SND1: variants seen among roughly 807,000 people sequenced by gnomAD.
The protein encoded by SND1 is staphylococcal nuclease and tudor domain containing 1, also known as staphylococcal nuclease domain-containing protein 1.
A neutral mutation model predicts 121.7 loss-of-function variants in SND1; 38 were observed. The observed-to-expected ratio is 0.31, with a 90% CI of 0.24 to 0.41. The LOEUF is 0.41. SND1 is among the 10% of genes least tolerant of loss of function. The pLI is 1.00. For missense variants in SND1, 868 were observed against 1,184.6 expected, an observed-to-expected ratio of 0.73 and a Z score of 3.92; for synonymous variants, 401 against 447.4, an observed-to-expected ratio of 0.90 and a Z score of 1.31.
chr7:127,696,126 C>T (rs1796002566), intron 3 of SND1, among the ~76,000 whole-genome samples: 5 of 152,084 alleles, frequency 3.3e-5, no homozygotes, highest in Admixed American at 2.0e-4. Context: ...TTTCAGATAG[C>T]TCATGTAACG....
intron 15 of SND1, among the ~76,000 whole-genome samples, chr7:127,962,771 G>A (rs1801763127): frequency 6.6e-6 from 1 of 152,178 alleles, no homozygotes; most frequent in African/African-American, 2.4e-5. Flanking sequence ...GAAATGGAGT[G>A]GCATTGTCAT....
At chr7:127,840,819 A>T (rs929644097) in intron 11 of SND1, among the ~76,000 whole-genome samples, 1 of 152,102 alleles carries the variant, frequency 6.6e-6, no homozygotes, top group Admixed American at 6.5e-5. Flanking sequence ...GCTGTGGGCT[A>T]TTCTCCGGGC....
intron 15 of SND1, among the ~76,000 whole-genome samples, chr7:127,966,239 C>T (rs1801849536): frequency 6.6e-6 from 1 of 151,666 alleles, no homozygotes; most frequent in African/African-American, 2.4e-5. Flanking sequence ...CTTAGACTCC[C>T]ACACATTAAT....
chr7:127,874,474 G>A (rs929261814), intron 12 of SND1, among the ~76,000 whole-genome samples: 3 of 152,094 alleles, frequency 2.0e-5, no homozygotes, highest in Non-Finnish European at 4.4e-5. Flanking sequence ...GTAGAGAAAA[G>A]TCCCCTGAGT....
At chr7:127,976,925 T>A (rs1584709992) in intron 15 of SND1, among the ~76,000 whole-genome samples, 1 of 152,112 alleles carries the variant, frequency 6.6e-6, no homozygotes, top group South Asian at 2.1e-4. Context: ...CCCTACATGG[T>A]GTCTTGAGGG....
At chr7:127,885,958 T>G (rs993027996) in intron 12 of SND1, among the ~76,000 whole-genome samples, 1 of 152,144 alleles carries the variant, frequency 6.6e-6, no homozygotes, top group East Asian at 1.9e-4. Flanking sequence ...CCTCTCTTGT[T>G]CCCTGCTAGG....
At chr7:128,064,956 T>C (rs1218093776) in intron 16 of SND1, among the ~76,000 whole-genome samples, 1 of 152,200 alleles carries the variant, frequency 6.6e-6, no homozygotes, top group East Asian at 1.9e-4. Context: ...ATAGTGACAT[T>C]GGAGTACTGA....
At chr7:128,046,512 C>T (rs1236794950) in intron 16 of SND1, among the ~76,000 whole-genome samples, 1 of 151,796 alleles carries the variant, frequency 6.6e-6, no homozygotes. Context: ...TACAGGCATA[C>T]ACCACCAAGC....
chr7:127,663,423 G>A (rs890413159), intron 1 of SND1, among the ~76,000 whole-genome samples: 1 of 150,252 alleles, frequency 6.7e-6, no homozygotes, highest in African/African-American at 2.5e-5. Flanking sequence ...CCAGGCTGGT[G>A]TGCAGTGGCA....
intron 13 of SND1, among the ~76,000 whole-genome samples, chr7:127,902,443 G>T (rs1800252098): frequency 2.0e-5 from 3 of 152,184 alleles, no homozygotes; most frequent in Admixed American, 2.0e-4. Context: ...CTTCCAATTT[G>T]CAGTAGCAAA....
chr7:127,994,549 CAAAAAAAAAAAAAAAA>C (rs563548702), intron 16 of SND1, among the ~76,000 whole-genome samples: 10,139 of 46,260 alleles, frequency 0.22, 711 homozygotes, highest in South Asian at 0.43. Flanking sequence ...CACTTTTACT[CAAAAAAAAAAAAAAAA>C]AAAAAAAAAA....
In SND1 at chr7:127,698,859, C is replaced by T. The variant is rs1316512658; in HGVS notation, c.350-16C>T. 6.2e-7 allele frequency: 1 copy of T among 1,611,956 alleles called. No homozygotes were observed. The highest frequency in any genetic ancestry group is 2.2e-5 in the East Asian group (1 of 44,850). On this transcript the variant is annotated splice_polypyrimidine_tract_variant and intron_variant, in intron 3 of 23. Transcript: ENST00000354725. ...GGTTTGAATCTTGTTTTTAAATCCC[C>T]CCTTTTCCTCCTCAGATACCAATGG...
intron 18 of SND1, among the ~76,000 whole-genome samples, chr7:128,082,290 A>G (rs973834184): frequency 6.6e-6 from 1 of 152,230 alleles, no homozygotes; most frequent in Non-Finnish European, 1.5e-5. Context: ...TCTGGATCCC[A>G]GGAAACAAAT....
chr7:128,048,708 G>A lies in SND1; in HGVS notation c.1780-25794G>A, dbSNP rs539949618. 2.9e-4 allele frequency among the ~76,000 whole-genome samples: 44 copies of A among 152,238 alleles called. 1 individual carries two copies. In the South Asian group the frequency reaches 7.1e-3, roughly 24 times the overall value. On this transcript the variant is annotated intron_variant, in intron 16 of 23. Transcript: ENST00000354725. Reference sequence around the variant, plus strand: ...GGGACCAGTTTTTGTTTTGGAGGGCGAGACGGCAGAAAGCTATTAGAAAAG... The same window carrying A: ...GGGACCAGTTTTTGTTTTGGAGGGCAAGACGGCAGAAAGCTATTAGAAAAG...
chr7:128,000,364 GCTT>G (rs1428071805), intron 16 of SND1, among the ~76,000 whole-genome samples: 24 of 123,310 alleles, frequency 1.9e-4, no homozygotes, highest in Non-Finnish European at 2.3e-4. Context: ...CTTTGCTTTT[GCTT>G]CTTTTTTTTT....
intron 10 of SND1, among the ~76,000 whole-genome samples, chr7:127,763,695 A>G (rs1232549137): frequency 6.6e-6 from 1 of 152,130 alleles, no homozygotes; most frequent in Non-Finnish European, 1.5e-5. Flanking sequence ...AAAAAAACCC[A>G]GGACTATTCT....
At chr7:127,881,237 C>T (rs1209641924) in intron 12 of SND1, among the ~76,000 whole-genome samples, 1 of 152,122 alleles carries the variant, frequency 6.6e-6, no homozygotes, top group Non-Finnish European at 1.5e-5. Context: ...TCTCACCCCT[C>T]CCCTATGAAA....
intron 11 of SND1, among the ~76,000 whole-genome samples, chr7:127,823,319 C>T (rs1798582915): frequency 6.6e-6 from 1 of 152,184 alleles, no homozygotes; most frequent in Non-Finnish European, 1.5e-5. Flanking sequence ...CTTGGTTCCC[C>T]TGACTAGGAT....
intron 10 of SND1, among the ~76,000 whole-genome samples, chr7:127,729,961 C>CTTTA (rs776674814): frequency 1.7e-4 from 26 of 152,184 alleles, no homozygotes; most frequent in Non-Finnish European, 2.9e-4. Context: ...TTGGACAGCT[C>CTTTA]TTTATTTATT....
Sources: allele counts gnomAD v4.1 joint callset (sites outside exome capture counted in the v4.1 genomes callset), GRCh38; gene constraint gnomAD v4.1.1; transcripts MANE v1.5; gene names NCBI Gene and HGNC (gene_info 2026-07-23, HGNC 2026-07-21).